SEMA5A: variants seen among roughly 807,000 people sequenced by gnomAD.
SEMA5A encodes the protein semaphorin-5A.
In SEMA5A, 55 loss-of-function variants were observed where a neutral mutation model predicts 135.5. The observed-to-expected ratio is 0.41, with a 90% confidence interval of 0.33 to 0.51. The LOEUF (loss-of-function observed/expected upper bound fraction) is 0.51, where lower values mean the gene tolerates loss of function less well. Among genes scored for constraint, SEMA5A ranks in the 20% least tolerant of loss-of-function variants. SEMA5A has a pLI of 0.37. For synonymous variants in SEMA5A, 580 were observed against 546.5 expected, an observed-to-expected ratio of 1.06 and a Z score of -0.85; for missense variants, 1,290 against 1,419.9, an observed-to-expected ratio of 0.91 and a Z score of 1.47.
chr5:9,121,592 T>C (rs1056375683), intron 14 of SEMA5A, among the ~76,000 whole-genome samples: 3 of 152,236 alleles, frequency 2.0e-5, no homozygotes, highest in Non-Finnish European at 2.9e-5. Context: ...AGTTTGATAG[T>C]TTTTGTAAGT....
At chr5:9,059,974 C>G (rs1173007238) in intron 18 of SEMA5A, among the ~76,000 whole-genome samples, 1 of 152,196 alleles carries the variant, frequency 6.6e-6, no homozygotes, top group Non-Finnish European at 1.5e-5. Context: ...GGGAGAGTAT[C>G]CTGAGTGAGA....
chr5:9,289,363 T>G (rs1750958052), intron 5 of SEMA5A, among the ~76,000 whole-genome samples: 1 of 152,200 alleles, frequency 6.6e-6, no homozygotes, highest in Non-Finnish European at 1.5e-5. Flanking sequence ...TTATATTAAT[T>G]TTTAGTTTAA....
At chr5:9,074,760 G>A (rs1013509798) in intron 16 of SEMA5A, among the ~76,000 whole-genome samples, 12 of 152,116 alleles carry the variant, frequency 7.9e-5, no homozygotes, top group Non-Finnish European at 1.6e-4. Flanking sequence ...GAAACCACAA[G>A]TAAACCACTA....
intron 2 of SEMA5A, among the ~76,000 whole-genome samples, chr5:9,437,549 A>G (rs764379688): frequency 5.3e-5 from 8 of 151,762 alleles, no homozygotes; most frequent in African/African-American, 9.7e-5. Flanking sequence ...TAGAGATAGA[A>G]TTTCACCATG....
intron 5 of SEMA5A, among the ~76,000 whole-genome samples, chr5:9,311,825 A>G (rs1302689453): frequency 1.3e-5 from 2 of 152,130 alleles, no homozygotes; most frequent in African/African-American, 2.4e-5. Flanking sequence ...ACCGATATTG[A>G]TCATGTAGTC....
intron 21 of SEMA5A, 138 bp from the exon 22 acceptor site, chr5:9,044,722 AGAGTCTTTCATTGG>A: frequency 4.4e-6 from 3 of 677,488 alleles, no homozygotes; most frequent in Non-Finnish European, 7.5e-6. Context: ...ATCATTCTTA[AGAGTCTTTCATTGG>A]AAATGTCATG....
intron 3 of SEMA5A, among the ~76,000 whole-genome samples, chr5:9,348,460 G>C (rs1194655366): frequency 2.6e-5 from 4 of 152,166 alleles, no homozygotes; most frequent in African/African-American, 9.7e-5. Context: ...CTATGAAGTT[G>C]GTGCCCAGCC....
chr5:9,374,453 T>G (rs1297479934), intron 3 of SEMA5A, among the ~76,000 whole-genome samples: 1 of 152,206 alleles, frequency 6.6e-6, no homozygotes, highest in African/African-American at 2.4e-5. Context: ...GTCAAGATTA[T>G]CCGGTTCTCC....
chr5:9,489,327 G>A (rs1174753788), intron 1 of SEMA5A, among the ~76,000 whole-genome samples: 1 of 152,088 alleles, frequency 6.6e-6, no homozygotes, highest in Admixed American at 6.5e-5. Flanking sequence ...GGGGTATAAG[G>A]GTTTCCTTCC....
intron 8 of SEMA5A, among the ~76,000 whole-genome samples, chr5:9,210,239 A>C (rs938772671): frequency 2.0e-5 from 3 of 152,228 alleles, no homozygotes; most frequent in Non-Finnish European, 4.4e-5. Context: ...TATATTGGCA[A>C]GTGTAGAAGC....
At chr5:9,189,176 A>G (rs1045091289) in intron 11 of SEMA5A, among the ~76,000 whole-genome samples, 2 of 152,258 alleles carry the variant, frequency 1.3e-5, no homozygotes, top group African/African-American at 4.8e-5. Context: ...GCTAACTAGC[A>G]AATGCAGGAG....
chr5:9,339,820 A>G (rs1043819154), intron 3 of SEMA5A, among the ~76,000 whole-genome samples: 1 of 152,202 alleles, frequency 6.6e-6, no homozygotes, highest in African/African-American at 2.4e-5. Flanking sequence ...AATATCAATG[A>G]GCCCTTGATA....
chr5:9,462,899 G>T (rs945487883), intron 1 of SEMA5A, among the ~76,000 whole-genome samples: 1 of 150,558 alleles, frequency 6.6e-6, no homozygotes, highest in African/African-American at 2.4e-5. Flanking sequence ...CCTGGGCAAT[G>T]AAATAATCTG....
intron 8 of SEMA5A, among the ~76,000 whole-genome samples, chr5:9,207,556 T>C (rs866931101): frequency 3.9e-5 from 6 of 152,284 alleles, no homozygotes; most frequent in Middle Eastern, 6.8e-3. Context: ...AATATTCAGA[T>C]GTGACACACA....
chr5:9,106,701 A>G (rs1739934628), intron 16 of SEMA5A, among the ~76,000 whole-genome samples: 1 of 152,244 alleles, frequency 6.6e-6, no homozygotes, highest in African/African-American at 2.4e-5. Flanking sequence ...TTCCTAGAAC[A>G]TGTGAGTGTT....
intron 5 of SEMA5A, among the ~76,000 whole-genome samples, chr5:9,251,236 C>T (rs1748768381): frequency 6.6e-6 from 1 of 152,138 alleles, no homozygotes; most frequent in Non-Finnish European, 1.5e-5. Flanking sequence ...CCTCCAGAAC[C>T]ATGAGTCAAA....
intron 21 of SEMA5A, among the ~76,000 whole-genome samples, chr5:9,050,188 C>T (rs1736488029): frequency 6.6e-6 from 1 of 152,134 alleles, no homozygotes; most frequent in Admixed American, 6.5e-5. Context: ...CAGGCCATGC[C>T]CTGGACGTGG....
intron 2 of SEMA5A, among the ~76,000 whole-genome samples, chr5:9,421,890 T>C (rs1757482989): frequency 6.6e-6 from 1 of 152,222 alleles, no homozygotes; most frequent in African/African-American, 2.4e-5. Context: ...GAGCTCTTTG[T>C]ATATTAGAAA....
chr5:9,060,620 G>T (rs1014773456), intron 18 of SEMA5A, among the ~76,000 whole-genome samples: 1 of 152,072 alleles, frequency 6.6e-6, no homozygotes, highest in Non-Finnish European at 1.5e-5. Context: ...CATCAGCTTG[G>T]CTGGGAAAGC....
Sources: allele counts gnomAD v4.1 joint callset (sites outside exome capture counted in the v4.1 genomes callset), GRCh38; gene constraint gnomAD v4.1.1; transcripts MANE v1.5; gene names NCBI Gene and HGNC (gene_info 2026-07-23, HGNC 2026-07-21).